Variants in FAM135A observed in about 807,000 individuals in gnomAD.
The protein encoded by FAM135A is family with sequence similarity 135 member A, also known as protein FAM135A.
FAM135A carries 79 observed loss-of-function variants against 146.8 expected under a neutral mutation model. That is an observed-to-expected ratio of 0.54 (90% CI 0.45 to 0.65). FAM135A has a LOEUF of 0.65. Ranked by LOEUF, FAM135A falls within the 30% of genes least tolerant of loss-of-function variation. The pLI, the probability that FAM135A is intolerant of heterozygous loss-of-function variation, is 0.00. For missense variants in FAM135A, 1,623 were observed against 1,758.2 expected (o/e 0.92, Z 1.38); for synonymous variants, 562 against 603.6 (o/e 0.93, Z 1.01).
At chr6:70,512,144 C>G (rs1280377152) in intron 12 of FAM135A, among the ~76,000 whole-genome samples, 1 of 151,924 alleles carries the variant, frequency 6.6e-6, no homozygotes, top group Non-Finnish European at 1.5e-5. Flanking sequence ...TAAGCAACTA[C>G]TGTCTTGATT....
At position 70,423,015 on chromosome 6, in the gene FAM135A, T is replaced by C. The variant is rs113381446; in HGVS notation, c.-133-3424T>C. Among the ~76,000 whole-genome samples the C allele has an allele frequency of 6.7e-3, 1,022 of 152,258 alleles. 15 individuals carry two copies. Among genetic ancestry groups the C allele is most frequent in the African/African-American group, 0.024 (981 of 41,552 alleles). ...AATAAAGAATTAATATTTTTGATAGTGCAGCCAGAAAAGGCCTAATTGAGA... is the reference window on the plus strand; with the variant it reads ...AATAAAGAATTAATATTTTTGATAGCGCAGCCAGAAAAGGCCTAATTGAGA... On this transcript the variant is annotated intron_variant, in intron 2 of 21. Transcript: ENST00000418814.
intron 2 of FAM135A, among the ~76,000 whole-genome samples, chr6:70,422,768 CT>C (rs1769154684): frequency 6.6e-6 from 1 of 152,306 alleles, no homozygotes; most frequent in East Asian, 1.9e-4. Context: ...TTTATGGAAT[CT>C]TTAATGCTAA....
intron 1 of FAM135A, among the ~76,000 whole-genome samples, chr6:70,414,365 T>C (rs1388561210): frequency 6.6e-6 from 1 of 152,218 alleles, no homozygotes; most frequent in African/African-American, 2.4e-5. Flanking sequence ...ATGCCCCATC[T>C]TAGCTTCGGA....
At chr6:70,420,627 G>A (rs747454) in intron 2 of FAM135A, among the ~76,000 whole-genome samples, 3,230 of 152,100 alleles carry the variant, frequency 0.021, 109 homozygotes, top group African/African-American at 0.074. Flanking sequence ...GGATGGCTTG[G>A]TATTCCTAGA....
At chr6:70,479,366 A>T (rs1002686847) in intron 8 of FAM135A, among the ~76,000 whole-genome samples, 2 of 152,312 alleles carry the variant, frequency 1.3e-5, no homozygotes, top group East Asian at 3.9e-4. Flanking sequence ...TTTGGCTCAG[A>T]ATCAGAAGCC....
intron 10 of FAM135A, among the ~76,000 whole-genome samples, chr6:70,484,369 C>T (rs891100071): frequency 2.0e-5 from 3 of 152,074 alleles, no homozygotes; most frequent in Non-Finnish European, 4.4e-5. Flanking sequence ...ATATGAACCA[C>T]ATTTTAACTT....
chr6:70,499,479 C>A (rs1788022144), intron 11 of FAM135A, among the ~76,000 whole-genome samples: 1 of 152,168 alleles, frequency 6.6e-6, no homozygotes, highest in African/African-American at 2.4e-5. Flanking sequence ...AGTCTATTTA[C>A]ATTTAAGGTT....
chr6:70,507,729 A>T (rs1213196630), intron 12 of FAM135A, among the ~76,000 whole-genome samples: 1 of 152,122 alleles, frequency 6.6e-6, no homozygotes, highest in African/African-American at 2.4e-5. Flanking sequence ...ATGCTACATC[A>T]TAGAGACTAT....
chr6:70,536,641 G>A (rs968699649), intron 19 of FAM135A, among the ~76,000 whole-genome samples: 2 of 151,910 alleles, frequency 1.3e-5, no homozygotes, highest in Non-Finnish European at 2.9e-5. Flanking sequence ...ATTCACAAGA[G>A]CATTTTTTTC....
chr6:70,537,786 AT>A (rs759572526), intron 19 of FAM135A, among the ~76,000 whole-genome samples: 7 of 152,350 alleles, frequency 4.6e-5, no homozygotes, highest in Non-Finnish European at 5.9e-5. Flanking sequence ...ATATAAAAAA[AT>A]AATTAATATA....
intron 10 of FAM135A, among the ~76,000 whole-genome samples, chr6:70,486,797 G>A (rs1784743943): frequency 1.3e-5 from 2 of 151,944 alleles, no homozygotes; most frequent in East Asian, 1.9e-4. Flanking sequence ...ATGTGGTGGC[G>A]CATGTCTGTA....
At chr6:70,501,690 C>G (rs200268025) in intron 11 of FAM135A, among the ~76,000 whole-genome samples, 1 of 152,164 alleles carries the variant, frequency 6.6e-6, no homozygotes, top group Non-Finnish European at 1.5e-5. Flanking sequence ...GTGATCTGAC[C>G]GGGTAGCACA....
chr6:70,475,275 TC>T lies in FAM135A; in HGVS notation c.158-133del, dbSNP rs1238720320. On this transcript the variant is annotated intron_variant, in intron 5 of 21. Transcript: ENST00000418814. ...GAAATAAGTAAACTTTCAGAAATGTTCCAATACTGCAGTATAAATTGATAAT... is the reference window on the plus strand; with the variant it reads ...GAAATAAGTAAACTTTCAGAAATGTTCAATACTGCAGTATAAATTGATAAT... The T allele has an allele frequency of 9.4e-6, 6 of 636,592 alleles. No homozygotes were observed. The African/African-American group carries it at 1.2e-4, about 12-fold the overall frequency. 39.4% of individuals were successfully genotyped at this position (636,592 alleles called of 1,614,324 possible).
intron 12 of FAM135A, chr6:70,503,930 A>G (rs1322384680): frequency 6.6e-6 from 1 of 152,204 alleles, no homozygotes; most frequent in South Asian, 2.1e-4. Flanking sequence ...ACTTGTGGCT[A>G]TTACAAACCA....
intron 19 of FAM135A, among the ~76,000 whole-genome samples, 175 bp downstream of exon 19, chr6:70,536,586 A>G (rs902590524): frequency 1.3e-5 from 2 of 152,192 alleles, no homozygotes; most frequent in African/African-American, 2.4e-5. Context: ...GATAAAAGTC[A>G]TTTTAGAAAA....
At chr6:70,445,124 T>G (rs1236867237) in intron 4 of FAM135A, among the ~76,000 whole-genome samples, 2 of 151,520 alleles carry the variant, frequency 1.3e-5, no homozygotes, top group African/African-American at 4.9e-5. Flanking sequence ...TAAACAAGGG[T>G]GGGAATACAT....
chr6:70,438,670 G>A (rs945000403), intron 4 of FAM135A, among the ~76,000 whole-genome samples: 1 of 152,140 alleles, frequency 6.6e-6, no homozygotes, highest in Non-Finnish European at 1.5e-5. Context: ...AAGCTGTAAA[G>A]TGCTTCCCTT....
At chr6:70,538,198 C>T in intron 19 of FAM135A, 93 bp from the exon 20 acceptor site, 1 of 752,026 alleles carries the variant, frequency 1.3e-6, no homozygotes, top group Non-Finnish European at 1.9e-6. Context: ...GCAATGTCAT[C>T]TTTTGAAGTG....
At chr6:70,472,135 C>G (rs1429055284) in intron 5 of FAM135A, among the ~76,000 whole-genome samples, 1 of 152,070 alleles carries the variant, frequency 6.6e-6, no homozygotes, top group Non-Finnish European at 1.5e-5. Context: ...CAAAGAAGCT[C>G]CAGACCCAGT....
Sources: allele counts gnomAD v4.1 joint callset (sites outside exome capture counted in the v4.1 genomes callset), GRCh38; gene constraint gnomAD v4.1.1; transcripts MANE v1.5; gene names NCBI Gene and HGNC (gene_info 2026-07-23, HGNC 2026-07-21).